The following GOLGA4 variants were observed in gnomAD, a reference collection of about 807,000 sequenced individuals.
GOLGA4 encodes the protein golgin subfamily A member 4.
GOLGA4 carries 169 observed loss-of-function variants against 265.9 expected under a neutral mutation model. The ratio of observed to expected loss-of-function variants is 0.64; its 90% CI spans 0.56 to 0.72. The LOEUF (loss-of-function observed/expected upper bound fraction) is 0.72. Among genes scored for constraint, GOLGA4 ranks in the 30% least tolerant of loss-of-function variants. The probability of loss-of-function intolerance (pLI) is 0.00; values close to 1 mark genes in which losing one functional copy is unlikely to be tolerated. For missense variants in GOLGA4, 2,482 were observed against 2,483.4 expected (o/e 1.00, Z 0.01); for synonymous variants, 923 against 855.8 (o/e 1.08, Z -1.37).
rs2150841649 is a variant in GOLGA4, at chr3:37,296,095, A to G, written c.690A>G (p.Leu230=). Reference sequence around the variant, plus strand: ...AAGCACATTTATATTAGGTTTCTCTACTGAAACAACGATTACGAAATGGCC... The same window carrying G: ...AAGCACATTTATATTAGGTTTCTCTGCTGAAACAACGATTACGAAATGGCC... ...YISVLQTQVS[L]LKQRLRNGPM... is the part of the protein sequence containing the mutation. The change falls in exon 7 of 24, where the codon CTA becomes CTG. Residue 230 remains leucine, a synonymous_variant. Coordinates refer to ENST00000361924, the MANE Select transcript of GOLGA4 (RefSeq NM_002078.5). 2 of 1,613,736 alleles carry G rather than the reference A, an allele frequency of 1.2e-6. No individual in the cohort carries two copies. The highest frequency in any genetic ancestry group is 1.7e-6 in the Non-Finnish European group (2 of 1,179,638).
At chr3:37,307,926 T>G (rs2150897106) in intron 10 of GOLGA4, among the ~76,000 whole-genome samples, 1 of 152,326 alleles carries the variant, frequency 6.6e-6, no homozygotes, top group South Asian at 2.1e-4. Context: ...GATAAATATG[T>G]ATGTAAAGTG....
intron 2 of GOLGA4, among the ~76,000 whole-genome samples, chr3:37,254,473 TTTGTTTTAAAGA>T (rs1318481429): frequency 6.6e-6 from 1 of 152,072 alleles, no homozygotes; most frequent in Non-Finnish European, 1.5e-5. Context: ...TTTTAATTGT[TTTGTTTTAAAGA>T]TTGTTTTAAT....
intron 2 of GOLGA4, among the ~76,000 whole-genome samples, chr3:37,280,307 C>T (rs888094614): frequency 1.3e-5 from 2 of 152,148 alleles, no homozygotes; most frequent in African/African-American, 4.8e-5. Context: ...TGCCAGACAA[C>T]CATAGATTGT....
chr3:37,276,340 T>G, intron 2 of GOLGA4: 2 of 1,606,848 alleles, frequency 1.2e-6, no homozygotes, highest in Non-Finnish European at 1.7e-6. Flanking sequence ...GGAATATTCC[T>G]CCTGACTTAT....
rs2096981565 is a variant in GOLGA4 at position 37,329,049 on chromosome 3, G to A, written c.6148G>A (p.Asp2050Asn). 2.5e-6 allele frequency: 4 copies of A among 1,611,084 alleles called. No individual in the cohort carries two copies. In the South Asian group the frequency reaches 4.4e-5, roughly 18 times the overall value. ...ACTTAAAAAAATTGCTGAGAAAGAT[G>A]ATGATCTAAAACGAACAGCCAAAAG... ...QLLKKIAEKDDDLKRTAKRYE... is the reference protein window; with the variant it reads ...QLLKKIAEKDNDLKRTAKRYE... The change falls in exon 16 of 24, where the codon GAT (aspartate) becomes AAT (asparagine). Residue 2050 changes from aspartate to asparagine, a missense_variant. By Grantham distance (23) the Asp-to-Asn change is conservative. This residue lies in a region of GOLGA4 where 942 missense variants were observed against 983.1 expected (regional missense o/e 0.96). Coordinates refer to ENST00000361924, the MANE Select transcript of GOLGA4 (RefSeq NM_002078.5).
chr3:37,336,724 G>T (rs1298408866), intron 17 of GOLGA4, among the ~76,000 whole-genome samples: 1 of 152,006 alleles, frequency 6.6e-6, no homozygotes, highest in African/African-American at 2.4e-5. Flanking sequence ...AGCCGAGATC[G>T]TGCCATTGCA....
At position 37,324,751 on chromosome 3, in the gene GOLGA4, G is replaced by T; in HGVS notation, c.2865G>T (p.Lys955Asn). The change falls in exon 14 of 24, where the codon AAG becomes AAT. Residue 955 changes from lysine to asparagine, a missense_variant. Physicochemically the swap from Lys to Asn is moderately conservative, Grantham distance 94. Transcript: ENST00000361924. ...YETKFKNQEK[K>N]MEKVKQKAKE... Reference sequence around the variant, plus strand: ...CCAAATTTAAAAACCAAGAAAAAAAGATGGAAAAAGTTAAGCAGAAAGCAA... The same window carrying T: ...CCAAATTTAAAAACCAAGAAAAAAATATGGAAAAAGTTAAGCAGAAAGCAA... The T allele has an allele frequency of 6.3e-7, 1 of 1,585,390 alleles. No homozygotes were observed. Among genetic ancestry groups the T allele is most frequent in the South Asian group, 1.2e-5 (1 of 84,290 alleles).
intron 5 of GOLGA4, among the ~76,000 whole-genome samples, chr3:37,291,786 CT>C (rs1002914825): frequency 6.6e-6 from 1 of 152,152 alleles, no homozygotes; most frequent in African/African-American, 2.4e-5. Flanking sequence ...CCTAATTTAA[CT>C]TTCCTGCCTA....
chr3:37,266,025 C>CA (rs745369147), intron 2 of GOLGA4, among the ~76,000 whole-genome samples: 3,487 of 96,570 alleles, frequency 0.036, 182 homozygotes, highest in African/African-American at 0.14. Flanking sequence ...GACCTTGTCT[C>CA]AAAAAAAAAA....
At chr3:37,328,638 C>A in intron 15 of GOLGA4, 101 bp downstream of exon 15, 1 of 1,081,364 alleles carries the variant, frequency 9.2e-7, no homozygotes. Flanking sequence ...AGTCATTAAA[C>A]TGGGGAAGAA....
At chr3:37,323,116 CTTTTTTTTTTTTT>C (rs567838649) in intron 13 of GOLGA4, among the ~76,000 whole-genome samples, 2 of 114,152 alleles carry the variant, frequency 1.8e-5, no homozygotes, top group African/African-American at 6.4e-5. Context: ...TTCCTTTTGT[CTTTTTTTTTTTTT>C]TTTTTTTTTT....
At chr3:37,305,040 T>TC (rs1368117182) in intron 10 of GOLGA4, among the ~76,000 whole-genome samples, 1 of 152,114 alleles carries the variant, frequency 6.6e-6, no homozygotes, top group Admixed American at 6.6e-5. Flanking sequence ...TGCCTCAGGC[T>TC]CCTGAGTAGC....
chr3:37,277,550 C>T (rs936095347), intron 2 of GOLGA4, among the ~76,000 whole-genome samples: 8 of 152,194 alleles, frequency 5.3e-5, no homozygotes, highest in Admixed American at 2.6e-4. Context: ...TTCATTAAAG[C>T]GGTGGTCTTT....
intron 23 of GOLGA4, among the ~76,000 whole-genome samples, chr3:37,362,984 G>A (rs576481029): frequency 1.1e-4 from 16 of 151,622 alleles, no homozygotes; most frequent in African/African-American, 2.9e-4. Context: ...GGGTTTCACC[G>A]TGTTATTCAG....
At chr3:37,278,161 GAAT>G (rs2096824558) in intron 2 of GOLGA4, among the ~76,000 whole-genome samples, 1 of 150,668 alleles carries the variant, frequency 6.6e-6, no homozygotes, top group Non-Finnish European at 1.5e-5. Flanking sequence ...TAAAAAAAAA[GAAT>G]ATTATTAAAG....
At chr3:37,334,305 G>A (rs9866636) in intron 16 of GOLGA4, among the ~76,000 whole-genome samples, 2,260 of 152,172 alleles carry the variant, frequency 0.015, 52 homozygotes, top group African/African-American at 0.052. Context: ...AGCCTCGTCT[G>A]TTTTTTGCAG....
rs115190250 is a variant in GOLGA4 at position 37,334,331 on chromosome 3, G to A, written c.6193-722G>A. Among the ~76,000 whole-genome samples the A allele has an allele frequency of 9.5e-3, 1,449 of 152,184 alleles. 35 individuals are homozygous for A. Among genetic ancestry groups the A allele is most frequent in the African/African-American group, 0.033 (1,361 of 41,510 alleles). On this transcript the variant is annotated intron_variant, in intron 16 of 23. Coordinates refer to ENST00000361924, the MANE Select transcript of GOLGA4 (RefSeq NM_002078.5). Reference sequence around the variant, plus strand: ...TTTTTTGCAGTTTGAGACAAAGGAAGTCATTACATTGATTACCAGCACGTT... The same window carrying A: ...TTTTTTGCAGTTTGAGACAAAGGAAATCATTACATTGATTACCAGCACGTT...
chr3:37,279,140 AG>A (rs756077190), intron 2 of GOLGA4, among the ~76,000 whole-genome samples: 80 of 152,198 alleles, frequency 5.3e-4, no homozygotes, highest in Non-Finnish European at 8.1e-4. Flanking sequence ...CATGGTAAAA[AG>A]CACATCCTAG....
In GOLGA4 at chr3:37,326,116, G is replaced by T; in HGVS notation, c.4230G>T (p.Leu1410Phe). The change falls in exon 14 of 24, where the codon TTG (leucine) becomes TTT (phenylalanine). Residue 1410 changes from leucine to phenylalanine, a missense_variant. Physicochemically the swap from Leu to Phe is conservative, Grantham distance 22. Transcript: ENST00000361924. ...RKQYDEEKCE[L>F]LDQVQDLSFK... ...AGTATGATGAAGAAAAATGTGAATT[G>T]CTGGATCAGGTGCAAGATTTATCTT... is the stretch of plus-strand genomic sequence containing the variant. The T allele has an allele frequency of 6.2e-7, 1 of 1,613,734 alleles. No individual in the cohort carries two copies. The highest frequency in any genetic ancestry group is 8.5e-7 in the Non-Finnish European group (1 of 1,179,750).
Sources: gnomAD v4.1 joint callset for allele counts (sites outside exome capture counted in the v4.1 genomes callset) on GRCh38, gnomAD v4.1.1 for gene constraint, gnomAD v4.1.1 regional missense constraint, MANE v1.5 for transcripts, NCBI Gene and HGNC (gene_info 2026-07-23, HGNC 2026-07-21) for gene names.